The following CDH8 variants were observed in gnomAD, a reference collection of about 807,000 sequenced individuals.
The protein encoded by CDH8 is cadherin 8.
CDH8 carries 17 observed loss-of-function variants against 68.1 expected under a neutral mutation model. The observed-to-expected ratio is 0.25, with a 90% confidence interval of 0.17 to 0.37. CDH8 has a LOEUF of 0.37. Among genes scored for constraint, CDH8 ranks in the 10% least tolerant of loss-of-function variants. The pLI is 1.00. For synonymous variants in CDH8, 372 were observed against 365.1 expected (o/e 1.02, Z -0.21); for missense variants, 763 against 999.3 (o/e 0.76, Z 3.19).
At chr16:61,700,165 T>C (rs1387465209) in intron 10 of CDH8, among the ~76,000 whole-genome samples, 1 of 152,170 alleles carries the variant, frequency 6.6e-6, no homozygotes, top group Non-Finnish European at 1.5e-5. Flanking sequence ...TTGTGAACAG[T>C]GCTGCAATAA....
intron 10 of CDH8, among the ~76,000 whole-genome samples, chr16:61,679,315 G>A (rs1963971203): frequency 6.6e-6 from 1 of 151,976 alleles, no homozygotes; most frequent in Non-Finnish European, 1.5e-5. Context: ...AAATCTCTGA[G>A]ATGGGACATT....
At chr16:61,790,681 T>C (rs1961356968) in intron 7 of CDH8, among the ~76,000 whole-genome samples, 1 of 152,014 alleles carries the variant, frequency 6.6e-6, no homozygotes, top group Admixed American at 6.6e-5. Context: ...GACTATGCCA[T>C]TATAAAAAAA....
At chr16:61,963,933 G>A (rs557483155) in intron 2 of CDH8, among the ~76,000 whole-genome samples, 10 of 152,172 alleles carry the variant, frequency 6.6e-5, no homozygotes, top group African/African-American at 2.2e-4. Flanking sequence ...TTAGGCTCTC[G>A]GGCATTTCTC....
At chr16:61,779,827 C>T (rs1379147726) in intron 8 of CDH8, among the ~76,000 whole-genome samples, 1 of 152,142 alleles carries the variant, frequency 6.6e-6, no homozygotes, top group Non-Finnish European at 1.5e-5. Context: ...CTAGCCTTCT[C>T]CTTTGCACAG....
chr16:61,917,087 G>C (rs1964251171), intron 2 of CDH8, among the ~76,000 whole-genome samples: 1 of 151,562 alleles, frequency 6.6e-6, no homozygotes, highest in Non-Finnish European at 1.5e-5. Context: ...GTGTGTGTGT[G>C]TGTGTGTGTG....
chr16:61,774,505 G>C (rs867487728), intron 8 of CDH8, among the ~76,000 whole-genome samples: 1 of 150,748 alleles, frequency 6.6e-6, no homozygotes, highest in Middle Eastern at 3.5e-3. Context: ...AGCCATAATG[G>C]ATGTGTACCT....
At chr16:61,718,144 T>G (rs1964766633) in intron 9 of CDH8, among the ~76,000 whole-genome samples, 2 of 151,404 alleles carry the variant, frequency 1.3e-5, no homozygotes, top group Admixed American at 1.3e-4. Context: ...TATATATGTA[T>G]TTCTGTTAAA....
chr16:61,712,342 C>G (rs1372571958), intron 10 of CDH8, among the ~76,000 whole-genome samples: 4 of 151,574 alleles, frequency 2.6e-5, no homozygotes, highest in Admixed American at 2.6e-4. Flanking sequence ...TAGAGCCACA[C>G]AAGAAGTGTA....
chr16:62,011,775 T>A (rs539320717), intron 2 of CDH8, among the ~76,000 whole-genome samples: 2 of 152,328 alleles, frequency 1.3e-5, no homozygotes, highest in South Asian at 4.1e-4. Context: ...TCTGCAGACC[T>A]CACTTTGAGT....
At chr16:61,759,584 C>T (rs1232869321) in intron 8 of CDH8, among the ~76,000 whole-genome samples, 1 of 152,028 alleles carries the variant, frequency 6.6e-6, no homozygotes, top group Non-Finnish European at 1.5e-5. Flanking sequence ...AAAATGATTC[C>T]AAGAATCACT....
At chr16:61,957,627 T>C (rs1179176604) in intron 2 of CDH8, among the ~76,000 whole-genome samples, 1 of 152,196 alleles carries the variant, frequency 6.6e-6, no homozygotes, top group Non-Finnish European at 1.5e-5. Flanking sequence ...TGCTCACACA[T>C]GCACACGCAT....
intron 7 of CDH8, among the ~76,000 whole-genome samples, chr16:61,813,143 T>C (rs1961990335): frequency 6.6e-6 from 1 of 152,114 alleles, no homozygotes; most frequent in South Asian, 2.1e-4. Context: ...ACAGATTTGG[T>C]TTATTTTTCT....
chr16:62,008,080 G>A (rs929882624), intron 2 of CDH8, among the ~76,000 whole-genome samples: 1 of 151,930 alleles, frequency 6.6e-6, no homozygotes, highest in African/African-American at 2.4e-5. Context: ...AACCACAGGT[G>A]CATGCCACCA....
intron 2 of CDH8, among the ~76,000 whole-genome samples, chr16:61,979,064 A>G (rs1410797585): frequency 5.3e-5 from 8 of 152,112 alleles, no homozygotes; most frequent in African/African-American, 1.9e-4. Context: ...AGAAAAAAAA[A>G]AAAAGCAGAG....
intron 3 of CDH8, among the ~76,000 whole-genome samples, chr16:61,862,676 GA>G (rs532113350): frequency 4.6e-5 from 7 of 152,186 alleles, no homozygotes; most frequent in East Asian, 1.9e-4. Context: ...GCCCATGGGG[GA>G]AAAAATGGAT....
intron 7 of CDH8, among the ~76,000 whole-genome samples, chr16:61,801,650 C>T (rs375609273): frequency 1.0e-3 from 159 of 152,274 alleles, no homozygotes; most frequent in African/African-American, 3.4e-3. Context: ...ATTGCCTCAC[C>T]TGGGAAGCGC....
intron 2 of CDH8, among the ~76,000 whole-genome samples, chr16:61,962,026 A>C (rs1427945921): frequency 6.6e-6 from 1 of 152,266 alleles, no homozygotes; most frequent in Non-Finnish European, 1.5e-5. Context: ...TCTTAGAATT[A>C]AAATAAGCTA....
At chr16:61,922,835 A>C (rs1964392812) in intron 2 of CDH8, among the ~76,000 whole-genome samples, 1 of 152,192 alleles carries the variant, frequency 6.6e-6, no homozygotes, top group Admixed American at 6.5e-5. Flanking sequence ...ATCACATACA[A>C]ATTTATGCAA....
chr16:62,002,251 T>C (rs1965905149), intron 2 of CDH8, among the ~76,000 whole-genome samples: 1 of 152,212 alleles, frequency 6.6e-6, no homozygotes, highest in East Asian at 1.9e-4. Context: ...ACTGTGTGTG[T>C]GTATGTTTGA....
Sources: allele counts gnomAD v4.1 joint callset (sites outside exome capture counted in the v4.1 genomes callset), GRCh38; gene constraint gnomAD v4.1.1; transcripts MANE v1.5; gene names NCBI Gene and HGNC (gene_info 2026-07-23, HGNC 2026-07-21).